The following MALRD1 variants were observed in gnomAD, a reference collection of about 807,000 sequenced individuals.
MALRD1 encodes MAM and LDL receptor class A domain containing 1.
A neutral mutation model predicts 242.1 loss-of-function variants in MALRD1; 247 were observed. That is an observed-to-expected ratio of 1.02 (90% confidence interval 0.92 to 1.13). MALRD1 has a LOEUF of 1.13. Among genes scored for constraint, MALRD1 ranks in the 50% most tolerant of loss-of-function variants. The pLI is 0.00. For missense variants in MALRD1, 2,989 were observed against 2,533.1 expected (o/e 1.18, Z -3.86); for synonymous variants, 995 against 866.6 (o/e 1.15, Z -2.60).
chr10:19,124,426 T>G, intron 6 of MALRD1, 98 bp from the exon 7 acceptor site: 1 of 990,296 alleles, frequency 1.0e-6, no homozygotes, highest in Non-Finnish European at 1.3e-6. Context: ...GATGTGTATG[T>G]GTGTATATAA....
intron 14 of MALRD1, among the ~76,000 whole-genome samples, chr10:19,195,467 T>A (rs933205334): frequency 2.6e-5 from 4 of 152,136 alleles, no homozygotes; most frequent in African/African-American, 9.7e-5. Context: ...CAAATTTATA[T>A]CTCTAGTTTA....
chr10:19,222,432 A>G (rs767301505), intron 18 of MALRD1, among the ~76,000 whole-genome samples: 2 of 152,156 alleles, frequency 1.3e-5, no homozygotes, highest in Non-Finnish European at 1.5e-5. Flanking sequence ...GCAGAAATGT[A>G]CTGGATATGC....
chr10:19,707,683 T>C (rs948835735), intron 38 of MALRD1, among the ~76,000 whole-genome samples: 1 of 146,532 alleles, frequency 6.8e-6, no homozygotes, highest in Non-Finnish European at 1.5e-5. Context: ...GTGCTGTGGC[T>C]CATGCCTGTA....
chr10:19,622,488 A>T (rs1839449566), intron 36 of MALRD1, among the ~76,000 whole-genome samples: 1 of 151,884 alleles, frequency 6.6e-6, no homozygotes, highest in Non-Finnish European at 1.5e-5. Context: ...CCTTTCCTGG[A>T]TAGTTGACTC....
At chr10:19,183,825 A>G (rs1835625300) in intron 14 of MALRD1, among the ~76,000 whole-genome samples, 1 of 152,220 alleles carries the variant, frequency 6.6e-6, no homozygotes, top group Admixed American at 6.5e-5. Context: ...GGATGATTTA[A>G]TCAAATGTTT....
rs577077946 is a variant in MALRD1 at position 19,424,374 on chromosome 10, G to A, written c.4846-25933G>A. 1.8e-3 allele frequency among the ~76,000 whole-genome samples: 272 copies of A among 152,144 alleles called. 2 individuals carry two copies. The highest frequency in any genetic ancestry group is 3.1e-3 in the Non-Finnish European group (211 of 68,000). On this transcript the variant is annotated intron_variant, in intron 28 of 39. Transcript: ENST00000454679. ...GGGGTTTCGCCATGTTGGCCAGTCT[G>A]GTCTCGATCTCCTGACTTCAAGTGA...
At chr10:19,447,518 A>T (rs2131023012) in intron 28 of MALRD1, among the ~76,000 whole-genome samples, 1 of 152,318 alleles carries the variant, frequency 6.6e-6, no homozygotes, top group Non-Finnish European at 1.5e-5. Context: ...GACAAGTTGT[A>T]AGATTTAAGA....
chr10:19,160,626 G>T (rs562124816), intron 12 of MALRD1, among the ~76,000 whole-genome samples: 2 of 25,670 alleles, frequency 7.8e-5, no homozygotes, highest in Admixed American at 8.6e-4. Context: ...ATTGATTATT[G>T]CCACAATTTC....
At chr10:19,270,152 T>C (rs1040423596) in intron 19 of MALRD1, among the ~76,000 whole-genome samples, 2 of 152,086 alleles carry the variant, frequency 1.3e-5, no homozygotes, top group Non-Finnish European at 2.9e-5. Context: ...CGGTCTCTAC[T>C]GAAAATACAA....
intron 1 of MALRD1, among the ~76,000 whole-genome samples, chr10:19,064,122 G>T (rs1834902269): frequency 6.6e-6 from 1 of 152,084 alleles, no homozygotes; most frequent in African/African-American, 2.4e-5. Context: ...CCCTCTGACT[G>T]CAGTACATCT....
intron 29 of MALRD1, among the ~76,000 whole-genome samples, chr10:19,470,437 T>C (rs1324503835): frequency 1.3e-5 from 2 of 152,062 alleles, no homozygotes; most frequent in Non-Finnish European, 2.9e-5. Context: ...TTAATTTCAA[T>C]TCCTTTGGGA....
intron 34 of MALRD1, among the ~76,000 whole-genome samples, chr10:19,601,988 G>C (rs1838363629): frequency 6.6e-6 from 1 of 151,700 alleles, no homozygotes; most frequent in Admixed American, 6.6e-5. Flanking sequence ...ATATATCATA[G>C]ATACATATAT....
At chr10:19,700,561 T>C (rs1364983068) in intron 38 of MALRD1, among the ~76,000 whole-genome samples, 1 of 152,204 alleles carries the variant, frequency 6.6e-6, no homozygotes, top group Non-Finnish European at 1.5e-5. Context: ...AACTACCTTG[T>C]TGTGATACTC....
intron 13 of MALRD1, among the ~76,000 whole-genome samples, chr10:19,171,214 C>A (rs918486385): frequency 2.6e-5 from 4 of 150,966 alleles, no homozygotes; most frequent in Admixed American, 6.6e-5. Context: ...AACAAGATCC[C>A]AAAAAATAGT....
intron 36 of MALRD1, among the ~76,000 whole-genome samples, chr10:19,682,744 G>T (rs956799497): frequency 6.6e-6 from 1 of 152,126 alleles, no homozygotes; most frequent in East Asian, 1.9e-4. Flanking sequence ...AGCTTGCTGA[G>T]GATTACCTCA....
At chr10:19,119,630 T>G (rs2131372074) in intron 5 of MALRD1, among the ~76,000 whole-genome samples, 2 of 152,228 alleles carry the variant, frequency 1.3e-5, no homozygotes, top group East Asian at 3.9e-4. Context: ...GCCGGTTCTG[T>G]GAAATATGTC....
chr10:19,607,557 C>T (rs1417599230), intron 34 of MALRD1, among the ~76,000 whole-genome samples: 1 of 152,126 alleles, frequency 6.6e-6, no homozygotes, highest in African/African-American at 2.4e-5. Context: ...GAATGCACAT[C>T]TGCGAAGTGA....
intron 18 of MALRD1, among the ~76,000 whole-genome samples, chr10:19,217,427 A>G (rs543498599): frequency 1.3e-5 from 2 of 150,502 alleles, no homozygotes. Context: ...TTAGTTTTTT[A>G]CTTCACTTTC....
intron 8 of MALRD1, among the ~76,000 whole-genome samples, chr10:19,129,402 G>GCTT (rs1348851963): frequency 9.9e-5 from 15 of 152,134 alleles, no homozygotes; most frequent in African/African-American, 3.4e-4. Flanking sequence ...GAGGGGTGGT[G>GCTT]CTTCTCTTCC....
Sources: allele counts gnomAD v4.1 joint callset (sites outside exome capture counted in the v4.1 genomes callset), GRCh38; gene constraint gnomAD v4.1.1; transcripts MANE v1.5; gene names NCBI Gene and HGNC (gene_info 2026-07-23, HGNC 2026-07-21).